RGS14: variants seen among roughly 807,000 people sequenced by gnomAD.
The protein encoded by RGS14 is regulator of G-protein signaling 14.
RGS14 carries 33 observed loss-of-function variants against 63.8 expected under a neutral mutation model. That is an observed-to-expected ratio of 0.52 (90% CI 0.39 to 0.69). The LOEUF (loss-of-function observed/expected upper bound fraction) is 0.69. RGS14 is among the 30% of genes least tolerant of loss of function. The pLI, the probability that RGS14 is intolerant of heterozygous loss-of-function variation, is 0.00. For missense variants in RGS14, 739 were observed against 742.9 expected (o/e 0.99, Z 0.06); for synonymous variants, 296 against 320.9 (o/e 0.92, Z 0.83).
At position 177,370,994 on chromosome 5, in the gene RGS14, A is replaced by C. The variant is rs1299282383; in HGVS notation, c.1217A>C (p.Lys406Thr). 2 of 1,602,320 alleles carry C rather than the reference A, an allele frequency of 1.2e-6. No individual in the cohort carries two copies. Among genetic ancestry groups the C allele is most frequent in the Non-Finnish European group, 1.7e-6 (2 of 1,178,130 alleles). The change falls in exon 11 of 15, where the codon AAG becomes ACG. Residue 406 changes from lysine to threonine, a missense_variant. Transcript: ENST00000408923. ...LQEALQPILEKHGLSPLEVVL... is the reference protein window; with the variant it reads ...LQEALQPILETHGLSPLEVVL... ...GAGGCGCTGCAGCCCATTCTGGAGA[A>C]GCACGGCTTGAGCCCGCTAGAGGTG... is the stretch of plus-strand genomic sequence containing the variant.
rs529201180 is a variant in RGS14, at chr5:177,358,662, C to T, written c.45+593C>T. Among the ~76,000 whole-genome samples the T allele has an allele frequency of 2.2e-3, 329 of 152,366 alleles. No individual in the cohort carries two copies. The highest frequency in any genetic ancestry group is 7.5e-3 in the African/African-American group (314 of 41,592). ...GGAAGGGCTGAGCACTAAGATCCCC[C>T]TGGCTGCAGCTGCCCCACCCCTTAA... On this transcript the variant is annotated intron_variant, in intron 1 of 14. Coordinates refer to ENST00000408923, the MANE Select transcript of RGS14 (RefSeq NM_006480.5). The surrounding 1 kb of genome is among the most constrained non-coding windows in gnomAD (Gnocchi z 4.8).
At chr5:177,367,295 G>T (rs1309297876) in intron 5 of RGS14, 119 bp from the exon 6 acceptor site, 1 of 1,380,342 alleles carries the variant, frequency 7.2e-7, no homozygotes, top group African/African-American at 1.4e-5. Context: ...TCGGGGCGGG[G>T]CTTGGGAAAT....
chr5:177,361,342 G>T (rs760764471), intron 1 of RGS14, among the ~76,000 whole-genome samples: 11 of 152,156 alleles, frequency 7.2e-5, no homozygotes, highest in Non-Finnish European at 1.5e-4. Context: ...CAGCATAGAA[G>T]ATGCTCAGAA....
intron 1 of RGS14, among the ~76,000 whole-genome samples, chr5:177,365,025 T>C (rs1475168978): frequency 6.6e-6 from 1 of 152,142 alleles, no homozygotes; most frequent in African/African-American, 2.4e-5. Context: ...TAGACCAGCA[T>C]CTTGTGCCCT....
At position 177,372,260 on chromosome 5, in the gene RGS14, C is replaced by T. The variant is rs1431983976; in HGVS notation, c.*185C>T. 6.6e-6 allele frequency: 4 copies of T among 608,988 alleles called. No individual in the cohort carries two copies. The highest frequency in any genetic ancestry group is 3.7e-5 in the African/African-American group (2 of 53,872). 37.7% of individuals were successfully genotyped at this position (608,988 alleles called of 1,614,324 possible). ...ATGAGACACACCCCACAGCTGCCAC[C>T]GCCTTGTCCCTCAACAAGCTCACCC... On this transcript the variant is annotated 3_prime_UTR_variant, in exon 15 of 15. Coordinates refer to ENST00000408923, the MANE Select transcript of RGS14 (RefSeq NM_006480.5).
At chr5:177,367,682 G>A in intron 6 of RGS14, 32 bp from the exon 7 acceptor site, 1 of 1,601,920 alleles carries the variant, frequency 6.2e-7, no homozygotes, top group Admixed American at 1.7e-5. Context: ...CTGGGGCCCA[G>A]CCCGGTGCCA....
Position 177,370,574 on chromosome 5 carries a change from C to A in RGS14, c.1054-17C>A, listed in dbSNP as rs973875412. 1 of 1,612,790 alleles carries A rather than the reference C, an allele frequency of 6.2e-7. No homozygotes were observed. Among genetic ancestry groups the A allele is most frequent in the African/African-American group, 1.3e-5 (1 of 74,882 alleles). On this transcript the variant is annotated splice_polypyrimidine_tract_variant and intron_variant, in intron 9 of 14. Coordinates refer to ENST00000408923, the MANE Select transcript of RGS14 (RefSeq NM_006480.5). ...TTGGGGGAGGGACTCTTAGACCCTGCCTGGCATCCACAGAAGGCCCTGGTC... is the reference window on the plus strand; with the variant it reads ...TTGGGGGAGGGACTCTTAGACCCTGACTGGCATCCACAGAAGGCCCTGGTC...
chr5:177,370,725 T>C (rs1431647084), intron 10 of RGS14, 61 bp downstream of exon 10: 2 of 1,583,042 alleles, frequency 1.3e-6, no homozygotes, highest in Non-Finnish European at 1.7e-6. Flanking sequence ...GGCCCTGTTC[T>C]AGCTACCTGG....
Position 177,371,790 on chromosome 5 carries a change from C to T in RGS14, c.1499-83C>T. 3 of 1,451,524 alleles carry T rather than the reference C, an allele frequency of 2.1e-6. No individual in the cohort carries two copies. Among genetic ancestry groups the T allele is most frequent in the Non-Finnish European group, 2.8e-6 (3 of 1,059,894 alleles). The allele number at this position is 1,451,524 out of a possible 1,614,324, so 89.9% of individuals were successfully genotyped here. A position where few individuals can be genotyped will look rare whatever the true frequency, so the allele number is the denominator to read the frequency against. ...GGTGCTGGGGCCAGGGAGGCAGTGG[C>T]CACAGTAAGGCAGTGGGACTATCGT... On this transcript the variant is annotated intron_variant, in intron 14 of 14. Transcript: ENST00000408923. This position sits in a 1 kb window ranked among gnomAD's most constrained non-coding sequence, Gnocchi z 6.1.
At chr5:177,362,472 C>G (rs1455259553) in intron 1 of RGS14, among the ~76,000 whole-genome samples, 1 of 152,060 alleles carries the variant, frequency 6.6e-6, no homozygotes, top group Non-Finnish European at 1.5e-5. Flanking sequence ...GGAGAGAGGC[C>G]GGGACATGGG....
In RGS14 at chr5:177,372,486, A is replaced by G; in HGVS notation, c.*411A>G. On this transcript the variant is annotated 3_prime_UTR_variant, in exon 15 of 15. Coordinates refer to ENST00000408923, the MANE Select transcript of RGS14 (RefSeq NM_006480.5). ...TGAGGGTGCAGGCAGGCAGCCCTGT[A>G]CCCCACCCACATAGACTATACTGTA... The G allele has an allele frequency of 1.0e-5, 2 of 197,252 alleles. No homozygotes were observed. The highest frequency in any genetic ancestry group is 1.0e-5 in the Non-Finnish European group (1 of 96,650). The allele number at this position is 197,252 out of a possible 1,614,324, so 12.2% of individuals were successfully genotyped here. A position where few individuals can be genotyped will look rare whatever the true frequency, so the allele number is the denominator to read the frequency against.
Position 177,365,171 on chromosome 5 carries a change from A to T in RGS14, c.46-792A>T, listed in dbSNP as rs144725494. On this transcript the variant is annotated intron_variant, in intron 1 of 14. Transcript: ENST00000408923. ...CATATCACATGCTGGCCCATGTTCT[A>T]GATGCTGTGGATATATTTTTATTTG... 3.3e-5 allele frequency among the ~76,000 whole-genome samples: 5 copies of T among 152,264 alleles called. No homozygotes were observed. The East Asian group carries it at 9.6e-4, about 29-fold the overall frequency.
chr5:177,362,166 G>A (rs1299037267), intron 1 of RGS14, among the ~76,000 whole-genome samples: 6 of 152,166 alleles, frequency 3.9e-5, no homozygotes, highest in African/African-American at 1.2e-4. Context: ...ACTTGTTCCC[G>A]AATAGCAGAG....
At chr5:177,370,805 A>G in intron 10 of RGS14, 100 bp from the exon 11 acceptor site, 1 of 1,495,416 alleles carries the variant, frequency 6.7e-7, no homozygotes, top group Non-Finnish European at 9.0e-7. Context: ...AGCCAGTCCC[A>G]CCTTCTGCAG....
Position 177,371,773 on chromosome 5 carries a change from G to T in RGS14, c.1499-100G>T. 1 of 1,367,882 alleles carries T rather than the reference G, an allele frequency of 7.3e-7. No homozygotes were observed. The highest frequency in any genetic ancestry group is 1.0e-6 in the Non-Finnish European group (1 of 991,338). The allele number at this position is 1,367,882 out of a possible 1,614,324, so 84.7% of individuals were successfully genotyped here. A position where few individuals can be genotyped will look rare whatever the true frequency, so the allele number is the denominator to read the frequency against. On this transcript the variant is annotated intron_variant, in intron 14 of 14. Transcript: ENST00000408923. This position sits in a 1 kb window ranked among gnomAD's most constrained non-coding sequence, Gnocchi z 6.1. ...GGGGGCCGCAGGCCATTGGTGCTGG[G>T]GCCAGGGAGGCAGTGGCCACAGTAA...
Position 177,366,906 on chromosome 5 carries a change from C to T in RGS14, c.355C>T (p.Arg119Cys), listed in dbSNP as rs768748398. The T allele has an allele frequency of 3.3e-5, 53 of 1,613,512 alleles. 1 individual carries two copies. Among genetic ancestry groups the T allele is most frequent in the Non-Finnish European group, 4.2e-5 (49 of 1,179,694 alleles). ...CCTCCTTCAGCTAGCTCAGGAGGCCCGCAACATCTACCAGGAGTTCCTGTC... is the reference window on the plus strand; with the variant it reads ...CCTCCTTCAGCTAGCTCAGGAGGCCTGCAACATCTACCAGGAGTTCCTGTC... ...SDTQQLAQEA[R>C]NIYQEFLSSQ... The change falls in exon 5 of 15, where the codon CGC (arginine) becomes TGC (cysteine). Residue 119 changes from arginine (R) to cysteine (C), a missense_variant. Transcript: ENST00000408923.
intron 7 of RGS14, 76 bp from the exon 8 acceptor site, chr5:177,368,081 C>T: frequency 1.3e-6 from 2 of 1,560,338 alleles, no homozygotes; most frequent in East Asian, 2.3e-5. Flanking sequence ...ACAAGGCCCA[C>T]CAGTGGGGAA....
intron 7 of RGS14, 69 bp downstream of exon 7, chr5:177,367,894 C>T: frequency 1.4e-6 from 2 of 1,469,462 alleles, no homozygotes; most frequent in Non-Finnish European, 1.8e-6. Context: ...GGAGTGCCCC[C>T]TTCCTCCTAC....
Position 177,371,468 on chromosome 5 carries a change from C to A in RGS14, c.1384-7C>A, listed in dbSNP as rs1459657897. 1 of 1,614,158 alleles carries A rather than the reference C, an allele frequency of 6.2e-7. No homozygotes were observed. The highest frequency in any genetic ancestry group is 2.2e-5 in the East Asian group (1 of 44,882). On this transcript the variant is annotated splice_region_variant and splice_polypyrimidine_tract_variant and intron_variant, in intron 13 of 14. Coordinates refer to ENST00000408923, the MANE Select transcript of RGS14 (RefSeq NM_006480.5). This position sits in a 1 kb window ranked among gnomAD's most constrained non-coding sequence, Gnocchi z 6.1. ...CCGATTTTGGCTCTGACCCCAAATT[C>A]TCGCAGGGCTGCCCACCTAGAACTC...
Sources: gnomAD v4.1 joint callset for allele counts (sites outside exome capture counted in the v4.1 genomes callset) on GRCh38, gnomAD v4.1.1 for gene constraint, Gnocchi (gnomAD v3.1) non-coding constraint, MANE v1.5 for transcripts, NCBI Gene and HGNC (gene_info 2026-07-23, HGNC 2026-07-21) for gene names.